EVA1C: variants seen among roughly 807,000 people sequenced by gnomAD.
EVA1C encodes the protein protein eva-1 homolog C.
In EVA1C, 25 loss-of-function variants were observed where a neutral mutation model predicts 45.4. The observed-to-expected ratio is 0.55, with a 90% CI of 0.40 to 0.77. EVA1C has a LOEUF of 0.77. EVA1C is among the 30% of genes least tolerant of loss of function. The probability of loss-of-function intolerance (pLI) is 0.00; values close to 1 mark genes in which losing one functional copy is unlikely to be tolerated. For synonymous variants in EVA1C, 190 were observed against 221.2 expected, an observed-to-expected ratio of 0.86 and a Z score of 1.25; for missense variants, 479 against 554.8, an observed-to-expected ratio of 0.86 and a Z score of 1.37.
intron 2 of EVA1C, 99 bp from the exon 3 acceptor site, chr21:32,457,498 C>A (rs1466671263): frequency 1.5e-5 from 21 of 1,427,596 alleles, no homozygotes; most frequent in Non-Finnish European, 1.9e-5. Flanking sequence ...GGTGGGGAGG[C>A]GTCCTTCCCT....
At chr21:32,429,787 T>G (rs2034629668) in intron 1 of EVA1C, among the ~76,000 whole-genome samples, 1 of 152,222 alleles carries the variant, frequency 6.6e-6, no homozygotes. Context: ...AGTCACCACA[T>G]TAGAAAAAGT....
At chr21:32,492,897 C>T (rs995191500) in intron 4 of EVA1C, among the ~76,000 whole-genome samples, 4 of 152,076 alleles carry the variant, frequency 2.6e-5, no homozygotes, top group Non-Finnish European at 4.4e-5. Context: ...AACCTGCAGG[C>T]CCCGCTCTTC....
chr21:32,508,962 T>C (rs947392717), intron 7 of EVA1C, among the ~76,000 whole-genome samples: 3 of 152,192 alleles, frequency 2.0e-5, no homozygotes, highest in African/African-American at 7.2e-5. Flanking sequence ...AGAAACACAG[T>C]GTGAAGATTC....
intron 5 of EVA1C, among the ~76,000 whole-genome samples, chr21:32,499,540 G>A (rs575519836): frequency 2.0e-5 from 3 of 152,196 alleles, no homozygotes; most frequent in Admixed American, 1.3e-4. Flanking sequence ...AGGAATGTCC[G>A]GTGGTTGTTG....
intron 1 of EVA1C, among the ~76,000 whole-genome samples, chr21:32,445,343 A>C (rs1352869806): frequency 6.6e-6 from 1 of 152,244 alleles, no homozygotes; most frequent in African/African-American, 2.4e-5. Flanking sequence ...TAAGCTATCA[A>C]TTGACATTGC....
chr21:32,463,041 G>A (rs905283489), intron 3 of EVA1C, among the ~76,000 whole-genome samples: 3 of 152,152 alleles, frequency 2.0e-5, no homozygotes, highest in African/African-American at 4.8e-5. Context: ...CTCCCCGACC[G>A]AGCTGGTCTC....
chr21:32,421,812 C>T (rs997913986), intron 1 of EVA1C, among the ~76,000 whole-genome samples: 1 of 151,944 alleles, frequency 6.6e-6, no homozygotes, highest in African/African-American at 2.4e-5. Context: ...GGGAGGCCGA[C>T]GTGGGTGGAT....
rs531353054 is a variant in EVA1C, at chr21:32,429,615, A to G, written c.160+16602A>G. Among the ~76,000 whole-genome samples the G allele has an allele frequency of 3.2e-4, 48 of 152,310 alleles. 1 individual carries two copies. In the South Asian group the frequency reaches 9.3e-3, roughly 30 times the overall value. ...GTAATTCACCTGCCTCGGCCTCCCA[A>G]AATGCTGAGATTACAGGTATGAGTC... On this transcript the variant is annotated intron_variant, in intron 1 of 7. Transcript: ENST00000300255.
At chr21:32,459,838 C>CAA (rs35572319) in intron 3 of EVA1C, among the ~76,000 whole-genome samples, 1,006 of 62,872 alleles carry the variant, frequency 0.016, 16 homozygotes, top group African/African-American at 0.027. Context: ...GAGACTGTCT[C>CAA]AAAAAAAAAA....
intron 3 of EVA1C, among the ~76,000 whole-genome samples, chr21:32,460,410 T>A (rs995213237): frequency 6.6e-6 from 1 of 152,244 alleles, no homozygotes; most frequent in East Asian, 1.9e-4. Flanking sequence ...CATAGCAGCA[T>A]CATCGTTTAG....
At position 32,412,989 on chromosome 21, in the gene EVA1C, A is replaced by C. The variant is rs202031580; in HGVS notation, c.136A>C (p.Ile46Leu). The change falls in exon 1 of 8, where the codon ATC becomes CTC. Residue 46 changes from isoleucine to leucine, a missense_variant. Physicochemically the swap from Ile to Leu is conservative, Grantham distance 5. Around this residue, in one of 3 missense-constraint regions of EVA1C, gnomAD observed 80 missense variants for 63.8 expected, o/e 1.25. Transcript: ENST00000300255. ...YCTVLVCSKE[I>L]SALTDFSGYL... is the part of the protein sequence containing the mutation. ...CACTGTCCTGGTCTGCTCCAAAGAG[A>C]TCTCAGCGCTCACCGACTTCTCTGG... 5 of 1,455,334 alleles carry C rather than the reference A, an allele frequency of 3.4e-6. No homozygotes were observed. The highest frequency in any genetic ancestry group is 4.6e-6 in the Non-Finnish European group (5 of 1,095,360). The allele number at this position is 1,455,334 out of a possible 1,614,324, so 90.2% of individuals were successfully genotyped here.
chr21:32,487,287 G>T (rs905901494), intron 4 of EVA1C, among the ~76,000 whole-genome samples: 1 of 152,154 alleles, frequency 6.6e-6, no homozygotes, highest in African/African-American at 2.4e-5. Context: ...CCCCAAGCTG[G>T]AGAGAGAGGC....
At chr21:32,445,403 C>G (rs1260545231) in intron 1 of EVA1C, among the ~76,000 whole-genome samples, 2 of 152,184 alleles carry the variant, frequency 1.3e-5, no homozygotes, top group African/African-American at 4.8e-5. Flanking sequence ...TTGGGGCCTG[C>G]AAGGAATCTC....
chr21:32,453,837 C>T (rs977919342), intron 2 of EVA1C, among the ~76,000 whole-genome samples: 1 of 152,214 alleles, frequency 6.6e-6, no homozygotes, highest in Admixed American at 6.5e-5. Flanking sequence ...CCCACATCTC[C>T]CATAAATACT....
Position 32,495,104 on chromosome 21 carries a change from A to C in EVA1C, c.712A>C (p.Asn238His). ...GKQRCKIIVNNHHFGSPCLPG... is the reference protein window; with the variant it reads ...GKQRCKIIVNHHHFGSPCLPG... ...GCAGAGATGCAAAATCATCGTCAAC[A>C]ATCACCATTTTGGAAGCCCCTGTTT... The change falls in exon 5 of 8, where the codon AAT becomes CAT. Residue 238 changes from asparagine (N) to histidine (H), a missense_variant. Coordinates refer to ENST00000300255, the MANE Select transcript of EVA1C (RefSeq NM_058187.5). 1 of 1,614,148 alleles carries C rather than the reference A, an allele frequency of 6.2e-7. No individual in the cohort carries two copies. Among genetic ancestry groups the C allele is most frequent in the Non-Finnish European group, 8.5e-7 (1 of 1,180,032 alleles).
At chr21:32,475,223 T>C (rs908833071) in intron 4 of EVA1C, among the ~76,000 whole-genome samples, 9 of 152,160 alleles carry the variant, frequency 5.9e-5, no homozygotes, top group Non-Finnish European at 1.3e-4. Context: ...ACACACGCGG[T>C]GAAACCCAGT....
At chr21:32,454,456 G>T (rs1033507641) in intron 2 of EVA1C, among the ~76,000 whole-genome samples, 3 of 152,096 alleles carry the variant, frequency 2.0e-5, no homozygotes, top group Non-Finnish European at 4.4e-5. Context: ...GAAAGATTTG[G>T]TATAGGAGAA....
In EVA1C at chr21:32,457,650, C is replaced by A. The variant is rs755556540; in HGVS notation, c.411C>A (p.Ser137Arg). 1.2e-6 allele frequency: 2 copies of A among 1,614,098 alleles called. No homozygotes were observed. The highest frequency in any genetic ancestry group is 1.7e-6 in the Non-Finnish European group (2 of 1,179,984). Residue 137 changes from serine (S) to arginine (R), a missense_variant, in exon 3 of 8, where the codon AGC becomes AGA. Physicochemically the swap from Ser to Arg is moderately radical, Grantham distance 110. Around this residue, in one of 3 missense-constraint regions of EVA1C, gnomAD observed 366 missense variants for 426.1 expected, o/e 0.86. Coordinates refer to ENST00000300255, the MANE Select transcript of EVA1C (RefSeq NM_058187.5). Reference sequence around the variant, plus strand: ...GGGCCTGCCACCTCCTGGTCAATAGCCGTGTTTTTGGACCTGACCTTTGTC... The same window carrying A: ...GGGCCTGCCACCTCCTGGTCAATAGACGTGTTTTTGGACCTGACCTTTGTC... ...NQRACHLLVN[S>R]RVFGPDLCPG...
At chr21:32,422,044 CAAAAA>C (rs57794940) in intron 1 of EVA1C, among the ~76,000 whole-genome samples, 1 of 92,316 alleles carries the variant, frequency 1.1e-5, no homozygotes, top group South Asian at 3.9e-4. Context: ...GACCCTGTCT[CAAAAA>C]AAAAAAAAAA....
Sources: allele counts gnomAD v4.1 joint callset (sites outside exome capture counted in the v4.1 genomes callset), GRCh38; gene constraint gnomAD v4.1.1; regional missense constraint gnomAD v4.1.1; transcripts MANE v1.5; gene names NCBI Gene and HGNC (gene_info 2026-07-23, HGNC 2026-07-21).